SLC8A1: variants seen among roughly 807,000 people sequenced by gnomAD.
SLC8A1 encodes the protein sodium/calcium exchanger 1.
A neutral mutation model predicts 68.3 loss-of-function variants in SLC8A1; 18 were observed. That is an observed-to-expected ratio of 0.26 (90% CI 0.18 to 0.39). SLC8A1 has a LOEUF of 0.39. Ranked by LOEUF, SLC8A1 falls within the 10% of genes least tolerant of loss-of-function variation. The pLI, the probability that SLC8A1 is intolerant of heterozygous loss-of-function variation, is 1.00. For missense variants in SLC8A1, 985 were observed against 1,156.7 expected (o/e 0.85, Z 2.15); for synonymous variants, 475 against 415.5 (o/e 1.14, Z -1.74).
At chr2:40,410,605 C>T (rs573304253) in intron 2 of SLC8A1, among the ~76,000 whole-genome samples, 1 of 152,004 alleles carries the variant, frequency 6.6e-6, no homozygotes, top group African/African-American at 2.4e-5. Context: ...AAATGTTTTA[C>T]ATGTATAACA....
At chr2:40,442,072 A>C in intron 1 of SLC8A1, among the ~76,000 whole-genome samples, 1 of 118,058 alleles carries the variant, frequency 8.5e-6, no homozygotes, top group South Asian at 3.0e-4. Flanking sequence ...GGGGGGAGGG[A>C]TAGCATTAGG....
intron 2 of SLC8A1, among the ~76,000 whole-genome samples, chr2:40,225,705 C>T (rs1329868105): frequency 6.6e-6 from 1 of 152,110 alleles, no homozygotes; most frequent in Non-Finnish European, 1.5e-5. Flanking sequence ...GACAGTGTTC[C>T]AGTGGGAGTT....
intron 2 of SLC8A1, among the ~76,000 whole-genome samples, chr2:40,372,237 A>G (rs1678334076): frequency 6.6e-6 from 1 of 152,086 alleles, no homozygotes; most frequent in South Asian, 2.1e-4. Flanking sequence ...TGGTCACAGA[A>G]ATCCTAAGGG....
chr2:40,331,938 C>A (rs895523911), intron 2 of SLC8A1, among the ~76,000 whole-genome samples: 1 of 151,880 alleles, frequency 6.6e-6, no homozygotes, highest in East Asian at 1.9e-4. Flanking sequence ...ATTTTTCTCT[C>A]CATGTATTTA....
At chr2:40,261,881 C>G (rs1423609480) in intron 2 of SLC8A1, among the ~76,000 whole-genome samples, 1 of 151,952 alleles carries the variant, frequency 6.6e-6, no homozygotes, top group Non-Finnish European at 1.5e-5. Flanking sequence ...TCAAAATTTA[C>G]TATTTTGTCT....
At chr2:40,172,161 G>GCTT (rs2047612267) in intron 4 of SLC8A1, among the ~76,000 whole-genome samples, 3 of 152,206 alleles carry the variant, frequency 2.0e-5, no homozygotes, top group Non-Finnish European at 4.4e-5. Context: ...TTTAGGGCTT[G>GCTT]AAGCTGCTTT....
At chr2:40,299,237 T>A (rs1018772766) in intron 2 of SLC8A1, among the ~76,000 whole-genome samples, 4 of 152,054 alleles carry the variant, frequency 2.6e-5, no homozygotes, top group Non-Finnish European at 4.4e-5. Flanking sequence ...TGTTTCTACA[T>A]CTCCTGGCAT....
chr2:40,461,523 T>TC (rs557921798), intron 1 of SLC8A1, among the ~76,000 whole-genome samples: 147 of 152,286 alleles, frequency 9.7e-4, no homozygotes, highest in African/African-American at 3.4e-3. Context: ...AAAAAACCCT[T>TC]GCCCACTCCG....
intron 6 of SLC8A1, among the ~76,000 whole-genome samples, chr2:40,156,512 G>T (rs1452831882): frequency 6.8e-6 from 1 of 146,764 alleles, no homozygotes; most frequent in African/African-American, 2.7e-5. Flanking sequence ...AAGAAAGAGG[G>T]AGGAGTGTGT....
chr2:40,477,551 C>T (rs903747518), intron 1 of SLC8A1, among the ~76,000 whole-genome samples: 4 of 152,254 alleles, frequency 2.6e-5, no homozygotes, highest in East Asian at 1.9e-4. Context: ...TGATGTTTTG[C>T]GGAAGGAAGA....
chr2:40,384,004 C>T (rs1317433550), intron 2 of SLC8A1, among the ~76,000 whole-genome samples: 2 of 152,030 alleles, frequency 1.3e-5, no homozygotes, highest in East Asian at 3.9e-4. Context: ...CTCACACCTG[C>T]AATCTCAACA....
chr2:40,174,935 GTACT>G, intron 3 of SLC8A1, 93 bp from the exon 5 acceptor site: 4 of 1,153,212 alleles, frequency 3.5e-6, no homozygotes, highest in Non-Finnish European at 5.1e-6. Flanking sequence ...CCCACCCAAG[GTACT>G]TGCCAAATTA....
exon 3 of SLC8A1, chr2:40,177,853 T>C: frequency 6.5e-7 from 1 of 1,545,408 alleles, no homozygotes; most frequent in Admixed American, 2.0e-5. Context: ...GGTAATGATC[T>C]TCCTGTGGGA....
At chr2:40,154,305 T>A (rs1307546096) in intron 6 of SLC8A1, among the ~76,000 whole-genome samples, 3 of 124,038 alleles carry the variant, frequency 2.4e-5, no homozygotes, top group African/African-American at 6.4e-5. Context: ...TATTCTTTTT[T>A]TTTTTTTTTT....
intron 2 of SLC8A1, among the ~76,000 whole-genome samples, chr2:40,375,835 T>C (rs1272485112): frequency 6.6e-6 from 1 of 152,002 alleles, no homozygotes; most frequent in Non-Finnish European, 1.5e-5. Context: ...AAACCCTGCC[T>C]CTATAAAAAT....
intron 2 of SLC8A1, among the ~76,000 whole-genome samples, chr2:40,420,245 C>T (rs369716369): frequency 7.3e-4 from 111 of 152,012 alleles, no homozygotes; most frequent in Non-Finnish European, 1.3e-3. Flanking sequence ...TTACTATTAA[C>T]CACCTCCAGG....
chr2:40,127,639 G>A (rs1273152812), intron 7 of SLC8A1, among the ~76,000 whole-genome samples: 1 of 152,126 alleles, frequency 6.6e-6, no homozygotes, highest in East Asian at 1.9e-4. Flanking sequence ...TTTTAGTCTG[G>A]AGCTACAGCA....
At chr2:40,196,925 A>G (rs1254816341) in intron 2 of SLC8A1, among the ~76,000 whole-genome samples, 1 of 152,024 alleles carries the variant, frequency 6.6e-6, no homozygotes, top group African/African-American at 2.4e-5. Context: ...ATTAGTGGTA[A>G]AAGTCCATTT....
chr2:40,316,208 A>T (rs540076011), intron 2 of SLC8A1, among the ~76,000 whole-genome samples: 2 of 152,204 alleles, frequency 1.3e-5, no homozygotes, highest in South Asian at 4.1e-4. Context: ...GGATCCAATC[A>T]CACTGATATC....
Sources: gnomAD v4.1 joint callset for allele counts (sites outside exome capture counted in the v4.1 genomes callset) on GRCh38, gnomAD v4.1.1 for gene constraint, MANE v1.5 for transcripts, NCBI Gene and HGNC (gene_info 2026-07-23, HGNC 2026-07-21) for gene names.